Variants in RELCH observed in about 807,000 individuals in gnomAD.
RELCH encodes the protein RAB11 binding and LisH domain, coiled-coil and HEAT repeat containing, also known as RAB11-binding protein RELCH.
Under a neutral mutation model 150.3 loss-of-function variants are expected in RELCH, and 41 were observed. That is an observed-to-expected ratio of 0.27 (90% CI 0.21 to 0.35). The LOEUF (loss-of-function observed/expected upper bound fraction) is 0.35, where lower values mean the gene tolerates loss of function less well. Among genes scored for constraint, RELCH ranks in the 10% least tolerant of loss-of-function variants. The probability of loss-of-function intolerance (pLI) is 1.00; values close to 1 mark genes in which losing one functional copy is unlikely to be tolerated. For missense variants in RELCH, 1,092 were observed against 1,467.8 expected, an observed-to-expected ratio of 0.74 and a Z score of 4.18; for synonymous variants, 478 against 531.8, an observed-to-expected ratio of 0.90 and a Z score of 1.39.
intron 1 of RELCH, among the ~76,000 whole-genome samples, chr18:62,202,235 A>T (rs1395762108): frequency 1.3e-5 from 2 of 152,174 alleles, no homozygotes; most frequent in African/African-American, 2.4e-5. Flanking sequence ...TAATTTTCCC[A>T]AACTCTTCTT....
chr18:62,295,667 C>A (rs1165273016), intron 27 of RELCH, among the ~76,000 whole-genome samples: 2 of 152,064 alleles, frequency 1.3e-5, no homozygotes, highest in Non-Finnish European at 2.9e-5. Flanking sequence ...CAACCTCTGC[C>A]TCCCAGTGAT....
At chr18:62,288,329 A>T (rs2044927798) in intron 26 of RELCH, among the ~76,000 whole-genome samples, 1 of 152,292 alleles carries the variant, frequency 6.6e-6, no homozygotes, top group East Asian at 1.9e-4. Flanking sequence ...TGTGGTTCAC[A>T]TTGTTATATA....
chr18:62,266,689 T>C lies in RELCH; in HGVS notation c.2632-12T>C. The C allele has an allele frequency of 6.3e-7, 1 of 1,589,832 alleles. No homozygotes were observed. The highest frequency in any genetic ancestry group is 8.6e-7 in the Non-Finnish European group (1 of 1,161,732). On this transcript the variant is annotated splice_polypyrimidine_tract_variant and intron_variant, in intron 18 of 28. Coordinates refer to ENST00000644646, the MANE Select transcript of RELCH (RefSeq NM_001346231.2). ...CCTGAGACTTTTTGAATCTTCTCTT[T>C]GGGTTGCTTAGGTAAAACCTCAGTT...
At chr18:62,226,531 A>G (rs1481925477) in intron 5 of RELCH, among the ~76,000 whole-genome samples, 1 of 152,132 alleles carries the variant, frequency 6.6e-6, no homozygotes, top group Admixed American at 6.6e-5. Context: ...TAATAAAAGA[A>G]GAACAAAATT....
At position 62,308,079 on chromosome 18, in the gene RELCH, A is replaced by G. The variant is rs1328765862; in HGVS notation, c.*2545A>G. 6.6e-6 allele frequency: 1 copy of G among 152,190 alleles called. No individual in the cohort carries two copies. The highest frequency in any genetic ancestry group is 2.4e-5 in the African/African-American group (1 of 41,448). 9.4% of individuals were successfully genotyped at this position (152,190 alleles called of 1,614,324 possible). A position where few individuals can be genotyped will look rare whatever the true frequency, so the allele number is the denominator to read the frequency against. ...CACTACTATAGGATATGTCACTACTATACACTATAATTCTAATGGGGGTCT... is the reference window on the plus strand; with the variant it reads ...CACTACTATAGGATATGTCACTACTGTACACTATAATTCTAATGGGGGTCT... On this transcript the variant is annotated 3_prime_UTR_variant, in exon 29 of 29. Coordinates refer to ENST00000644646, the MANE Select transcript of RELCH (RefSeq NM_001346231.2).
intron 20 of RELCH, among the ~76,000 whole-genome samples, chr18:62,271,793 A>C (rs563797427): frequency 5.1e-4 from 78 of 152,178 alleles, no homozygotes; most frequent in Admixed American, 7.9e-4. Context: ...TCCAGTTTCC[A>C]CTTTCTACAC....
chr18:62,201,195 G>A (rs777556186), intron 1 of RELCH, among the ~76,000 whole-genome samples: 44 of 151,832 alleles, frequency 2.9e-4, no homozygotes, highest in Non-Finnish European at 5.6e-4. Flanking sequence ...GGATGGTCTC[G>A]ATCTCCTGAC....
intron 27 of RELCH, among the ~76,000 whole-genome samples, chr18:62,292,252 C>A (rs1353907509): frequency 1.3e-5 from 2 of 152,152 alleles, no homozygotes; most frequent in Non-Finnish European, 2.9e-5. Context: ...AAACTGCCAT[C>A]TTTAAGATCA....
chr18:62,304,617 G>A (rs1325036846), intron 28 of RELCH, among the ~76,000 whole-genome samples: 1 of 152,204 alleles, frequency 6.6e-6, no homozygotes, highest in African/African-American at 2.4e-5. Context: ...GCTAAAGCAT[G>A]TTGGCCAAAG....
intron 28 of RELCH, among the ~76,000 whole-genome samples, chr18:62,304,247 A>G (rs2145177362): frequency 6.6e-6 from 1 of 152,346 alleles, no homozygotes; most frequent in East Asian, 1.9e-4. Context: ...TTGAAGAATC[A>G]AGAGCCAAAT....
At chr18:62,214,963 C>T (rs1599862184) in intron 2 of RELCH, among the ~76,000 whole-genome samples, 2 of 152,140 alleles carry the variant, frequency 1.3e-5, no homozygotes. Context: ...AGGTCTTTCT[C>T]CCATTGTCTT....
chr18:62,237,814 G>A (rs904963319), intron 10 of RELCH, among the ~76,000 whole-genome samples: 9 of 151,716 alleles, frequency 5.9e-5, no homozygotes, highest in Non-Finnish European at 1.2e-4. Flanking sequence ...GTGACCCACT[G>A]TTTTAAAGAT....
At position 62,305,792 on chromosome 18, in the gene RELCH, A is replaced by G. The variant is rs150293535; in HGVS notation, c.*258A>G. 2.8e-3 allele frequency: 521 copies of G among 186,672 alleles called. 5 individuals are homozygous for G. Among genetic ancestry groups the G allele is most frequent in the South Asian group, 8.9e-3 (47 of 5,310 alleles). The allele number at this position is 186,672 out of a possible 1,614,324, so 11.6% of individuals were successfully genotyped here. A position where few individuals can be genotyped will look rare whatever the true frequency, so the allele number is the denominator to read the frequency against. On this transcript the variant is annotated 3_prime_UTR_variant, in exon 29 of 29. Coordinates refer to ENST00000644646, the MANE Select transcript of RELCH (RefSeq NM_001346231.2). The surrounding 1 kb of genome is among the most constrained non-coding windows in gnomAD (Gnocchi z 4.0). Reference sequence around the variant, plus strand: ...GTCTATGTTCTTGTCTTTCAGAATAATTTTTATATAAATATATATATAGTG... The same window carrying G: ...GTCTATGTTCTTGTCTTTCAGAATAGTTTTTATATAAATATATATATAGTG...
intron 1 of RELCH, among the ~76,000 whole-genome samples, chr18:62,194,861 T>C (rs1168730674): frequency 6.6e-6 from 1 of 152,216 alleles, no homozygotes; most frequent in Non-Finnish European, 1.5e-5. Context: ...ACAATAAATG[T>C]ATAATAAAAA....
chr18:62,222,406 GT>G (rs1206891671), intron 5 of RELCH, among the ~76,000 whole-genome samples: 4 of 151,822 alleles, frequency 2.6e-5, no homozygotes. Flanking sequence ...GGTTAATCAT[GT>G]TTTTTAAATG....
At chr18:62,301,423 C>T (rs2045659296) in intron 28 of RELCH, among the ~76,000 whole-genome samples, 1 of 152,182 alleles carries the variant, frequency 6.6e-6, no homozygotes, top group Non-Finnish European at 1.5e-5. Context: ...GAGCTAGACT[C>T]TGCTATTGTA....
At chr18:62,205,992 C>T (rs1414212202) in intron 1 of RELCH, among the ~76,000 whole-genome samples, 1 of 152,174 alleles carries the variant, frequency 6.6e-6, no homozygotes. Flanking sequence ...TCACTGCACT[C>T]CAGCCTGGGC....
In RELCH at chr18:62,187,457, G is replaced by C. The variant is rs796586950; in HGVS notation, c.-49G>C. On this transcript the variant is annotated 5_prime_UTR_variant, in exon 1 of 29. Transcript: ENST00000644646. ...CTGAGGCCTAGAGGATTCGGGCTGC[G>C]GCCCGTCGGAACCAGTCAGGGAGGC... 3.4e-6 allele frequency: 5 copies of C among 1,484,232 alleles called. No homozygotes were observed. The highest frequency in any genetic ancestry group is 2.8e-5 in the African/African-American group (2 of 71,372). 91.9% of individuals were successfully genotyped at this position (1,484,232 alleles called of 1,614,324 possible). A position where few individuals can be genotyped will look rare whatever the true frequency, so the allele number is the denominator to read the frequency against.
rs2038170777 is a variant in RELCH at position 62,187,333 on chromosome 18, C to T, written c.-173C>T. 2 of 515,708 alleles carry T rather than the reference C, an allele frequency of 3.9e-6. No individual in the cohort carries two copies. Among genetic ancestry groups the T allele is most frequent in the South Asian group, 4.7e-5 (1 of 21,280 alleles). The allele number at this position is 515,708 out of a possible 1,614,324, so 31.9% of individuals were successfully genotyped here. ...GCAGCAGAGGCTGAGGCATCAGGTG[C>T]AGCTGCATCCGGATCTCCTGCCTTG... On this transcript the variant is annotated 5_prime_UTR_variant, in exon 1 of 29. Coordinates refer to ENST00000644646, the MANE Select transcript of RELCH (RefSeq NM_001346231.2).
Sources: gnomAD v4.1 joint callset for allele counts (sites outside exome capture counted in the v4.1 genomes callset) on GRCh38, gnomAD v4.1.1 for gene constraint, Gnocchi (gnomAD v3.1) non-coding constraint, MANE v1.5 for transcripts, NCBI Gene and HGNC (gene_info 2026-07-23, HGNC 2026-07-21) for gene names.